The following RBKS variants were observed in gnomAD, a reference collection of about 807,000 sequenced individuals.
The protein encoded by RBKS is ribokinase.
Under a neutral mutation model 33.9 loss-of-function variants are expected in RBKS, and 33 were observed. The ratio of observed to expected loss-of-function variants is 0.97; its 90% confidence interval spans 0.74 to 1.30. The LOEUF (loss-of-function observed/expected upper bound fraction) is 1.30. Among genes scored for constraint, RBKS ranks in the 50% most tolerant of loss-of-function variants. RBKS has a pLI of 0.00. For synonymous variants in RBKS, 125 were observed against 143.0 expected (o/e 0.87, Z 0.90); for missense variants, 361 against 392.6 (o/e 0.92, Z 0.68).
intron 1 of RBKS, among the ~76,000 whole-genome samples, chr2:27,879,696 G>A (rs928533047): frequency 5.3e-5 from 8 of 152,116 alleles, no homozygotes; most frequent in African/African-American, 1.7e-4. Context: ...AACCATCAGA[G>A]AATATTATAA....
chr2:27,870,357 A>G (rs1664179053), intron 1 of RBKS: 1 of 160,904 alleles, frequency 6.2e-6, no homozygotes. Flanking sequence ...ATGTCACACA[A>G]GGAAGCCAGG....
At chr2:27,789,768 T>C (rs1349085491) in intron 7 of RBKS, among the ~76,000 whole-genome samples, 1 of 151,206 alleles carries the variant, frequency 6.6e-6, no homozygotes, top group African/African-American at 2.4e-5. Flanking sequence ...TTTCACCATA[T>C]TGGCCAGCCT....
At chr2:27,819,218 C>T (rs1678152061) in intron 7 of RBKS, among the ~76,000 whole-genome samples, 1 of 152,068 alleles carries the variant, frequency 6.6e-6, no homozygotes, top group Non-Finnish European at 1.5e-5. Context: ...CATTCTGAGG[C>T]CTCTTCTCTT....
At chr2:27,866,278 A>G (rs991205096) in intron 1 of RBKS, among the ~76,000 whole-genome samples, 9 of 152,152 alleles carry the variant, frequency 5.9e-5, no homozygotes, top group African/African-American at 1.9e-4. Flanking sequence ...GAAGTCTGCA[A>G]TCAATCTTTG....
At chr2:27,868,948 TA>T (rs1222344889) in intron 1 of RBKS, among the ~76,000 whole-genome samples, 1 of 152,208 alleles carries the variant, frequency 6.6e-6, no homozygotes, top group Non-Finnish European at 1.5e-5. Flanking sequence ...AATACTGCAC[TA>T]AACACTTTAT....
At position 27,875,943 on chromosome 2, in the gene RBKS, G is replaced by A. The variant is rs943446497; in HGVS notation, c.89+14314C>T. The stretch of plus-strand genomic sequence containing the variant: ...AAAAGAGGGATTACAAATGGGAGAC[G>A]AAACAAAAAAAATAGGCTAAACTGA... On this transcript the variant is annotated intron_variant, in intron 1 of 7. Coordinates refer to ENST00000302188, the MANE Select transcript of RBKS (RefSeq NM_022128.3). Among the ~76,000 whole-genome samples, 15 of 151,892 alleles carry A rather than the reference G, an allele frequency of 9.9e-5. No homozygotes were observed. The East Asian group carries it at 1.5e-3, about 16-fold the overall frequency.
chr2:27,801,963 A>AAAATATATATAT (rs1308232858), intron 7 of RBKS, among the ~76,000 whole-genome samples: 8 of 47,616 alleles, frequency 1.7e-4, no homozygotes, highest in African/African-American at 6.5e-4. Context: ...AAAAAAAAAA[A>AAAATATATATAT]ATATATATAT....
intron 7 of RBKS, among the ~76,000 whole-genome samples, chr2:27,799,516 G>C (rs1677732384): frequency 6.6e-6 from 1 of 152,218 alleles, no homozygotes; most frequent in Admixed American, 6.5e-5. Flanking sequence ...CTACACTGTG[G>C]ACATGAATTC....
intron 7 of RBKS, among the ~76,000 whole-genome samples, chr2:27,819,606 C>T (rs185091835): frequency 1.3e-5 from 2 of 152,318 alleles, no homozygotes; most frequent in East Asian, 3.9e-4. Context: ...GATAATCCAT[C>T]AACTGAAGAC....
At chr2:27,794,038 G>T (rs576120206) in intron 7 of RBKS, among the ~76,000 whole-genome samples, 6 of 152,000 alleles carry the variant, frequency 3.9e-5, no homozygotes, top group African/African-American at 1.4e-4. Context: ...GGTGGCTCAT[G>T]CCTGTAATCC....
At position 27,837,909 on chromosome 2, in the gene RBKS, G is replaced by C. The variant is rs1305616882; in HGVS notation, c.515-5132C>G. ...CGCAATACTCCCATGTAACAAATCT[G>C]CATATGAAGGCCTGGTGCGGTGGTT... On this transcript the variant is annotated intron_variant, in intron 5 of 7. Coordinates refer to ENST00000302188, the MANE Select transcript of RBKS (RefSeq NM_022128.3). This position sits in a 1 kb window ranked among gnomAD's most constrained non-coding sequence, Gnocchi z 4.0. Among the ~76,000 whole-genome samples the C allele has an allele frequency of 6.6e-6, 1 of 152,090 alleles. No homozygotes were observed. The highest frequency in any genetic ancestry group is 2.4e-5 in the African/African-American group (1 of 41,422).
intron 1 of RBKS, among the ~76,000 whole-genome samples, chr2:27,878,510 T>C (rs1362984170): frequency 6.6e-6 from 1 of 152,168 alleles, no homozygotes; most frequent in Non-Finnish European, 1.5e-5. Context: ...TGTGTCTTTA[T>C]AGCAGCATGA....
intron 2 of RBKS, among the ~76,000 whole-genome samples, chr2:27,852,317 A>G (rs1448152161): frequency 6.6e-6 from 1 of 152,202 alleles, no homozygotes; most frequent in East Asian, 1.9e-4. Context: ...ATTACATTTA[A>G]ATCTAAATAT....
chr2:27,783,272 G>C (rs754951994), intron 7 of RBKS, among the ~76,000 whole-genome samples: 13 of 151,960 alleles, frequency 8.6e-5, no homozygotes, highest in Non-Finnish European at 1.5e-4. Context: ...GCAAAACCTC[G>C]CCTCTACAAA....
chr2:27,796,759 G>A (rs1677674406), intron 7 of RBKS, among the ~76,000 whole-genome samples: 1 of 152,180 alleles, frequency 6.6e-6, no homozygotes, highest in South Asian at 2.1e-4. Context: ...TGAGAGGCAG[G>A]AGCCCCTGAG....
At chr2:27,889,563 C>T (rs1331012449) in intron 1 of RBKS, among the ~76,000 whole-genome samples, 3 of 152,178 alleles carry the variant, frequency 2.0e-5, no homozygotes, top group African/African-American at 7.2e-5. Context: ...GATCTGTCTA[C>T]TCAATCTTAC....
chr2:27,860,665 G>T (rs1663957345), intron 1 of RBKS, among the ~76,000 whole-genome samples: 1 of 152,142 alleles, frequency 6.6e-6, no homozygotes, highest in Non-Finnish European at 1.5e-5. Flanking sequence ...GCAGATGGCT[G>T]GGATTTAAAC....
chr2:27,834,632 T>C (rs1198720086), intron 5 of RBKS, among the ~76,000 whole-genome samples: 1 of 152,210 alleles, frequency 6.6e-6, no homozygotes. Flanking sequence ...TTGTCCAGTA[T>C]TCTAACACAC....
intron 7 of RBKS, among the ~76,000 whole-genome samples, chr2:27,789,209 G>A (rs1677462060): frequency 6.6e-6 from 1 of 152,052 alleles, no homozygotes; most frequent in Non-Finnish European, 1.5e-5. Context: ...TATAGGTTGA[G>A]TATCCCTTAT....
Sources: gnomAD v4.1 joint callset for allele counts (sites outside exome capture counted in the v4.1 genomes callset) on GRCh38, gnomAD v4.1.1 for gene constraint, Gnocchi (gnomAD v3.1) non-coding constraint, MANE v1.5 for transcripts, NCBI Gene and HGNC (gene_info 2026-07-23, HGNC 2026-07-21) for gene names.